The following KNTC1 variants were observed in gnomAD, a reference collection of about 807,000 sequenced individuals.
KNTC1 encodes the protein kinetochore associated 1.
In KNTC1, 253 loss-of-function variants were observed where a neutral mutation model predicts 314.4. That is an observed-to-expected ratio of 0.80 (90% CI 0.73 to 0.89). KNTC1 has a LOEUF of 0.89. Ranked by LOEUF, KNTC1 falls within the 40% of genes least tolerant of loss-of-function variation. The pLI is 0.00. For synonymous variants in KNTC1, 901 were observed against 901.4 expected, an observed-to-expected ratio of 1.00 and a Z score of 0.01; for missense variants, 2,475 against 2,572.9, an observed-to-expected ratio of 0.96 and a Z score of 0.82.
At chr12:122,539,888 T>C (rs1345111836) in intron 5 of KNTC1, 134 bp downstream of exon 5, 1 of 571,806 alleles carries the variant, frequency 1.7e-6, no homozygotes, top group Non-Finnish European at 3.1e-6. Context: ...TTCAGGCGTC[T>C]CCTGCCTCAG....
At chr12:122,602,295 G>C (rs1872027613) in intron 45 of KNTC1, 1 of 254,612 alleles carries the variant, frequency 3.9e-6, no homozygotes, top group South Asian at 1.4e-4. Flanking sequence ...CAAATTATTT[G>C]AAGAGCAGAT....
intron 20 of KNTC1, among the ~76,000 whole-genome samples, chr12:122,563,154 G>A (rs1007706092): frequency 3.3e-5 from 5 of 151,976 alleles, no homozygotes; most frequent in South Asian, 2.1e-4. Context: ...CAACAAAAAC[G>A]GGCTGAACAT....
chr12:122,591,278 G>A (rs138653130), intron 41 of KNTC1, 59 bp from the exon 42 acceptor site: 1 of 846,412 alleles, frequency 1.2e-6, no homozygotes, highest in Non-Finnish European at 2.1e-6. Context: ...TCGTCTAAAA[G>A]GTGTTATAAG....
At chr12:122,610,936 C>A in intron 53 of KNTC1, 36 bp downstream of exon 53, 1 of 1,440,226 alleles carries the variant, frequency 6.9e-7, no homozygotes, top group Non-Finnish European at 9.8e-7. Context: ...CTCTTCTGTG[C>A]ATCTCAGCTT....
intron 1 of KNTC1, among the ~76,000 whole-genome samples, chr12:122,529,734 AC>A (rs1961145565): frequency 6.6e-6 from 1 of 152,216 alleles, no homozygotes; most frequent in African/African-American, 2.4e-5. Context: ...ATAATTCCAA[AC>A]TAGACACACA....
At chr12:122,625,677 C>T (rs2138211187) in intron 63 of KNTC1, among the ~76,000 whole-genome samples, 1 of 152,078 alleles carries the variant, frequency 6.6e-6, no homozygotes, top group South Asian at 2.1e-4. Flanking sequence ...TCTCACTACC[C>T]AGACATAGGA....
In KNTC1 at chr12:122,597,374, G is replaced by A. The variant is rs1472309469; in HGVS notation, c.4356-357G>A. The A allele has an allele frequency of 7.7e-5, 18 of 233,728 alleles. 1 individual carries two copies. The highest frequency in any genetic ancestry group is 1.1e-4 in the South Asian group (2 of 17,612). The allele number at this position is 233,728 out of a possible 1,614,324, so 14.5% of individuals were successfully genotyped here. Reference sequence around the variant, plus strand: ...AGCAATTCTCCTGCCTCAGCTTCCCGAGTAGCTGGGACTACAGCCATGCGC... The same window carrying A: ...AGCAATTCTCCTGCCTCAGCTTCCCAAGTAGCTGGGACTACAGCCATGCGC... On this transcript the variant is annotated intron_variant, in intron 43 of 63. Transcript: ENST00000333479.
Position 122,615,506 on chromosome 12 carries a change from A to C in KNTC1, c.6010A>C (p.Ser2004Arg), listed in dbSNP as rs974198395. 6.5e-7 allele frequency: 1 copy of C among 1,527,896 alleles called. No individual in the cohort carries two copies. The highest frequency in any genetic ancestry group is 8.8e-7 in the Non-Finnish European group (1 of 1,131,906). The allele number at this position is 1,527,896 out of a possible 1,614,324, so 94.6% of individuals were successfully genotyped here. Residue 2004 changes from serine to arginine, a missense_variant, in exon 57 of 64, where the codon AGT (serine) becomes CGT (arginine). Physicochemically the swap from Ser to Arg is moderately radical, Grantham distance 110 (BLOSUM62 -1). Transcript: ENST00000333479. ...YLRKVLKAISSIHSLWQVPYF... is the reference protein window; with the variant it reads ...YLRKVLKAISRIHSLWQVPYF... ...AAGGAAAGTTTTAAAAGCCATCTCCAGTATCCATTCTTTATGGCAGGTATG... is the reference window on the plus strand; with the variant it reads ...AAGGAAAGTTTTAAAAGCCATCTCCCGTATCCATTCTTTATGGCAGGTATG...
At chr12:122,542,299 A>G (rs912823812) in intron 6 of KNTC1, among the ~76,000 whole-genome samples, 172 bp downstream of exon 6, 1 of 152,206 alleles carries the variant, frequency 6.6e-6, no homozygotes, top group Non-Finnish European at 1.5e-5. Context: ...CCTCTGTTAG[A>G]GCTGGAACAG....
intron 3 of KNTC1, among the ~76,000 whole-genome samples, chr12:122,537,931 G>A (rs1192084972): frequency 1.3e-5 from 2 of 151,604 alleles, no homozygotes; most frequent in Non-Finnish European, 2.9e-5. Context: ...TCAGGAGTTC[G>A]AGACCAGTCT....
intron 36 of KNTC1, 64 bp from the exon 37 acceptor site, chr12:122,585,572 C>T: frequency 6.4e-7 from 1 of 1,551,380 alleles, no homozygotes; most frequent in Admixed American, 1.8e-5. Flanking sequence ...AGCCATAGAC[C>T]AGAAGAAACA....
rs551881115 is a variant in KNTC1 at position 122,550,701 on chromosome 12, C to T, written c.1087-618C>T. ...CATTTTTTGTAGAGAGGTGGTCTCACTATGTTTCCTGGGCTAGACTCAAGC... is the reference window on the plus strand; with the variant it reads ...CATTTTTTGTAGAGAGGTGGTCTCATTATGTTTCCTGGGCTAGACTCAAGC... On this transcript the variant is annotated intron_variant, in intron 13 of 63. Transcript: ENST00000333479. Among the ~76,000 whole-genome samples the T allele has an allele frequency of 4.6e-5, 7 of 152,206 alleles. No homozygotes were observed. The East Asian group carries it at 1.3e-3, about 29-fold the overall frequency.
chr12:122,530,350 T>G (rs1473361713), intron 2 of KNTC1, among the ~76,000 whole-genome samples, 158 bp downstream of exon 2: 1 of 152,182 alleles, frequency 6.6e-6, no homozygotes, highest in African/African-American at 2.4e-5. Flanking sequence ...CTGAATACCC[T>G]CTGCATCATG....
At chr12:122,619,329 G>A (rs1413955788) in intron 59 of KNTC1, among the ~76,000 whole-genome samples, 3 of 150,480 alleles carry the variant, frequency 2.0e-5, no homozygotes, top group South Asian at 2.1e-4. Flanking sequence ...GCACCACCAC[G>A]CCTGGCTAAT....
intron 1 of KNTC1, among the ~76,000 whole-genome samples, chr12:122,528,661 C>T (rs774001208): frequency 2.4e-4 from 37 of 152,178 alleles, no homozygotes; most frequent in Non-Finnish European, 4.0e-4. Context: ...GATACCAAAA[C>T]CCTAGGATGC....
intron 40 of KNTC1, 52 bp downstream of exon 40, chr12:122,588,868 C>T (rs1210452472): frequency 1.6e-5 from 19 of 1,171,294 alleles, no homozygotes; most frequent in Non-Finnish European, 2.2e-5. Context: ...TTGCCTTTTA[C>T]CTCAGTTAAT....
Position 122,602,644 on chromosome 12 carries a change from T to C in KNTC1, c.4729T>C (p.Leu1577=), listed in dbSNP as rs1872090545. 2 of 1,612,438 alleles carry C rather than the reference T, an allele frequency of 1.2e-6. No homozygotes were observed. Among genetic ancestry groups the C allele is most frequent in the Non-Finnish European group, 1.7e-6 (2 of 1,178,510 alleles). ...CGTGGATCTAGAATATCAGTATATG[T>C]TGGAACATGTCATAACTTTGCCATC... The part of the protein sequence containing the change: ...PPVDLEYQYM[L]EHVITLPSAA... The change falls in exon 46 of 64, where the codon TTG becomes CTG. Residue 1577 remains leucine, a synonymous_variant. Transcript: ENST00000333479.
In KNTC1 at chr12:122,549,864, A is replaced by G. The variant is rs748437989; in HGVS notation, c.1086A>G (p.Thr362=). ...VSSLVQTGIS[T]DTIYLLEGVC... ...CTCTGGTCCAAACAGGAATTAGCAC[A>G]GTAAGTTTATTTGCATTTTAAAGTA... Residue 362 remains threonine (T), a splice_region_variant and synonymous_variant, in exon 13 of 64, where the codon ACA becomes ACG. Coordinates refer to ENST00000333479, the MANE Select transcript of KNTC1 (RefSeq NM_014708.6). 8 of 1,492,834 alleles carry G rather than the reference A, an allele frequency of 5.4e-6. No homozygotes were observed. The Admixed American group carries it at 1.1e-4, about 21-fold the overall frequency. 92.5% of individuals were successfully genotyped at this position (1,492,834 alleles called of 1,614,324 possible). A position where few individuals can be genotyped will look rare whatever the true frequency, so the allele number is the denominator to read the frequency against.
At chr12:122,593,155 A>C (rs1232322810) in intron 42 of KNTC1, 1 of 179,096 alleles carries the variant, frequency 5.6e-6, no homozygotes, top group Non-Finnish European at 1.1e-5. Flanking sequence ...TGTAACACTC[A>C]CCTCGGGGGT....
Sources: allele counts gnomAD v4.1 joint callset (sites outside exome capture counted in the v4.1 genomes callset), GRCh38; gene constraint gnomAD v4.1.1; transcripts MANE v1.5; gene names NCBI Gene and HGNC (gene_info 2026-07-23, HGNC 2026-07-21).